ADCYAP1R1: variants seen among roughly 807,000 people sequenced by gnomAD.
ADCYAP1R1 encodes the protein pituitary adenylate cyclase-activating polypeptide type I receptor.
Under a neutral mutation model 67.6 loss-of-function variants are expected in ADCYAP1R1, and 44 were observed. That is an observed-to-expected ratio of 0.65 (90% CI 0.51 to 0.84). The LOEUF (loss-of-function observed/expected upper bound fraction) is 0.84. ADCYAP1R1 is among the 40% of genes least tolerant of loss of function. The probability of loss-of-function intolerance (pLI) is 0.00; values close to 1 mark genes in which losing one functional copy is unlikely to be tolerated. For missense variants in ADCYAP1R1, 477 were observed against 587.9 expected, an observed-to-expected ratio of 0.81 and a Z score of 1.95; for synonymous variants, 222 against 219.6, an observed-to-expected ratio of 1.01 and a Z score of -0.10.
chr7:31,086,869 GC>G lies in ADCYAP1R1; in HGVS notation c.824-70del. 6.7e-7 allele frequency: 1 copy of G among 1,493,674 alleles called. No individual in the cohort carries two copies. 92.5% of individuals were successfully genotyped at this position (1,493,674 alleles called of 1,614,324 possible). A position where few individuals can be genotyped will look rare whatever the true frequency, so the allele number is the denominator to read the frequency against. ...CATGGGGGAGCAATAGCCTCTCGGAGCCCCAGGTCTACGGTGGACATTGGAC... is the reference window on the plus strand; with the variant it reads ...CATGGGGGAGCAATAGCCTCTCGGAGCCCAGGTCTACGGTGGACATTGGAC... On this transcript the variant is annotated intron_variant, in intron 10 of 15. Transcript: ENST00000304166. This position sits in a 1 kb window ranked among gnomAD's most constrained non-coding sequence, Gnocchi z 5.0.
In ADCYAP1R1 at chr7:31,058,156, G is replaced by C. The variant is rs148475483; in HGVS notation, c.-71-5038G>C. ...TGGGCCAGACGCTGGAGTGGGGCAA[G>C]TGTCCATCTCAAGAGCAGAGTTGCC... On this transcript the variant is annotated intron_variant, in intron 1 of 15. Transcript: ENST00000304166. Among the ~76,000 whole-genome samples the C allele has an allele frequency of 2.0e-5, 3 of 152,364 alleles. No homozygotes were observed. In the East Asian group the frequency reaches 5.8e-4, roughly 29 times the overall value.
chr7:31,064,351 T>C (rs1334007468), intron 2 of ADCYAP1R1, among the ~76,000 whole-genome samples: 1 of 152,188 alleles, frequency 6.6e-6, no homozygotes, highest in Admixed American at 6.5e-5. Flanking sequence ...GCTGCTAGAG[T>C]CAGGCCTCCT....
intron 13 of ADCYAP1R1, 95 bp downstream of exon 13, chr7:31,092,830 A>T (rs1053309723): frequency 3.7e-6 from 3 of 814,422 alleles, no homozygotes; most frequent in Non-Finnish European, 2.0e-6. Context: ...CTTTGCTGAT[A>T]GGGTGACCTA....
Position 31,078,010 on chromosome 7 carries a change from C to G in ADCYAP1R1, c.177C>G (p.Asp59Glu). The G allele has an allele frequency of 1.2e-6, 2 of 1,611,714 alleles. No individual in the cohort carries two copies. Among genetic ancestry groups the G allele is most frequent in the Non-Finnish European group, 1.7e-6 (2 of 1,178,706 alleles). Residue 59 changes from aspartate to glutamate, a missense_variant, in exon 4 of 16, where the codon GAC becomes GAG. Asp to Glu is a conservative substitution (Grantham distance 45). Coordinates refer to ENST00000304166, the MANE Select transcript of ADCYAP1R1 (RefSeq NM_001118.5). ...CCACAGGCTGTCCTGGGATGTGGGA[C>G]AACATCACGTGTTGGAAGCCCGCCC... Reference protein sequence around the residue: ...DSSPGCPGMWDNITCWKPAHV... With the variant: ...DSSPGCPGMWENITCWKPAHV...
At chr7:31,085,674 G>GGCCTGGGT (rs1273546903) in intron 9 of ADCYAP1R1, among the ~76,000 whole-genome samples, 1 of 152,230 alleles carries the variant, frequency 6.6e-6, no homozygotes, top group Non-Finnish European at 1.5e-5. Context: ...CCTGTCTCTT[G>GGCCTGGGT]GCCTGGGTGT....
chr7:31,067,309 A>G (rs1420979298), intron 3 of ADCYAP1R1, among the ~76,000 whole-genome samples: 1 of 152,208 alleles, frequency 6.6e-6, no homozygotes, highest in African/African-American at 2.4e-5. Flanking sequence ...ATTAAGCAGA[A>G]GCAAAGGGCA....
intron 13 of ADCYAP1R1, among the ~76,000 whole-genome samples, chr7:31,094,127 T>C (rs930753158): frequency 6.6e-6 from 1 of 152,212 alleles, no homozygotes; most frequent in Non-Finnish European, 1.5e-5. Context: ...AAAAGTGCTT[T>C]TTTTCCTATC....
intron 3 of ADCYAP1R1, among the ~76,000 whole-genome samples, chr7:31,068,411 G>A (rs1794839872): frequency 6.6e-6 from 1 of 152,158 alleles, no homozygotes; most frequent in African/African-American, 2.4e-5. Context: ...TCTGGAGTCC[G>A]TGCCTTCACC....
intron 5 of ADCYAP1R1, among the ~76,000 whole-genome samples, chr7:31,081,260 T>G (rs1221946732): frequency 6.6e-6 from 1 of 152,164 alleles, no homozygotes; most frequent in Non-Finnish European, 1.5e-5. Context: ...AGATGAAGTC[T>G]TCTGGATTCC....
At chr7:31,074,450 C>A (rs1422414723) in intron 3 of ADCYAP1R1, among the ~76,000 whole-genome samples, 1 of 152,210 alleles carries the variant, frequency 6.6e-6, no homozygotes, top group Non-Finnish European at 1.5e-5. Context: ...GCCCCCTTCT[C>A]CCCTTGTGCC....
chr7:31,062,302 C>T (rs1004388589), intron 1 of ADCYAP1R1, among the ~76,000 whole-genome samples: 5 of 152,194 alleles, frequency 3.3e-5, no homozygotes, highest in African/African-American at 1.2e-4. Flanking sequence ...TGGCCCCAGT[C>T]CTTGCAGGCC....
chr7:31,076,887 G>T (rs1337090542), intron 3 of ADCYAP1R1, among the ~76,000 whole-genome samples: 1 of 152,152 alleles, frequency 6.6e-6, no homozygotes, highest in Non-Finnish European at 1.5e-5. Flanking sequence ...GGGCATGTGG[G>T]AGAGGCTGCT....
At chr7:31,080,439 TG>T (rs746038369) in intron 4 of ADCYAP1R1, among the ~76,000 whole-genome samples, 173 bp from the exon 5 acceptor site, 1 of 152,168 alleles carries the variant, frequency 6.6e-6, no homozygotes, top group Non-Finnish European at 1.5e-5. Context: ...AGGTCTCCAG[TG>T]TCCCCAGCTT....
rs1796774498 is a variant in ADCYAP1R1, at chr7:31,109,505, A to G, written c.*2821A>G. The G allele has an allele frequency of 6.6e-6, 1 of 152,230 alleles. No homozygotes were observed. The highest frequency in any genetic ancestry group is 2.4e-5 in the African/African-American group (1 of 41,456). The allele number at this position is 152,230 out of a possible 1,614,324, so 9.4% of individuals were successfully genotyped here. A position where few individuals can be genotyped will look rare whatever the true frequency, so the allele number is the denominator to read the frequency against. On this transcript the variant is annotated 3_prime_UTR_variant, in exon 16 of 16. Transcript: ENST00000304166. ...AAGGATAAGAAATCCTGTCATGTGA[A>G]GACAGCTTGAGAGGCTTGAGAAAAG...
At chr7:31,089,441 T>A (rs1448203288) in intron 12 of ADCYAP1R1, among the ~76,000 whole-genome samples, 12 of 142,638 alleles carry the variant, frequency 8.4e-5, no homozygotes, top group Middle Eastern at 3.7e-3. Context: ...TTTTTTTTTT[T>A]AATCAGGAAT....
intron 13 of ADCYAP1R1, among the ~76,000 whole-genome samples, chr7:31,098,231 A>C (rs377606594): frequency 6.6e-6 from 1 of 152,354 alleles, no homozygotes. Flanking sequence ...GAAAAGGTAC[A>C]TAATAAATTT....
intron 3 of ADCYAP1R1, among the ~76,000 whole-genome samples, chr7:31,070,433 T>G (rs1022394536): frequency 6.6e-6 from 1 of 152,146 alleles, no homozygotes; most frequent in Non-Finnish European, 1.5e-5. Flanking sequence ...GCCTGCTCAT[T>G]GCTATTCTGA....
At chr7:31,084,898 C>T in intron 8 of ADCYAP1R1, 64 bp downstream of exon 8, 1 of 1,388,520 alleles carries the variant, frequency 7.2e-7, no homozygotes, top group Non-Finnish European at 1.0e-6. Context: ...GGCCTTGGTG[C>T]ATCTCTCCCC....
intron 3 of ADCYAP1R1, among the ~76,000 whole-genome samples, chr7:31,065,707 G>A (rs1344223164): frequency 6.6e-6 from 1 of 152,198 alleles, no homozygotes; most frequent in East Asian, 1.9e-4. Flanking sequence ...GGCCTCAGGG[G>A]AAGTTGGGGA....
Sources: gnomAD v4.1 joint callset for allele counts (sites outside exome capture counted in the v4.1 genomes callset) on GRCh38, gnomAD v4.1.1 for gene constraint, Gnocchi (gnomAD v3.1) non-coding constraint, MANE v1.5 for transcripts, NCBI Gene and HGNC (gene_info 2026-07-23, HGNC 2026-07-21) for gene names.